PTPRD: variants seen among roughly 807,000 people sequenced by gnomAD.
PTPRD encodes receptor-type tyrosine-protein phosphatase delta.
A neutral mutation model predicts 214.5 loss-of-function variants in PTPRD; 34 were observed. The observed-to-expected ratio is 0.16, with a 90% CI of 0.12 to 0.21. PTPRD has a LOEUF of 0.21. PTPRD is among the 10% of genes least tolerant of loss of function. The pLI is 1.00. For synonymous variants in PTPRD, 1,128 were observed against 845.7 expected (o/e 1.33, Z -5.79); for missense variants, 2,545 against 2,398.7 (o/e 1.06, Z -1.27).
At chr9:8,408,112 C>A (rs2093182581) in intron 35 of PTPRD, among the ~76,000 whole-genome samples, 1 of 152,142 alleles carries the variant, frequency 6.6e-6, no homozygotes, top group Admixed American at 6.6e-5. Context: ...CTGCTGTCCT[C>A]TTAAGGAAGA....
intron 35 of PTPRD, among the ~76,000 whole-genome samples, chr9:8,422,698 G>A (rs2094443173): frequency 6.6e-6 from 1 of 152,162 alleles, no homozygotes; most frequent in African/African-American, 2.4e-5. Context: ...TTCTTGAGCT[G>A]TGACAACAAG....
chr9:9,136,907 C>A (rs1310507076), intron 10 of PTPRD, among the ~76,000 whole-genome samples: 4 of 152,090 alleles, frequency 2.6e-5, no homozygotes, highest in African/African-American at 9.7e-5. Flanking sequence ...TTGCCTTCAA[C>A]TGGTAGGGGA....
intron 2 of PTPRD, among the ~76,000 whole-genome samples, chr9:10,382,672 C>T (rs2097847052): frequency 6.6e-6 from 1 of 151,750 alleles, no homozygotes; most frequent in Non-Finnish European, 1.5e-5. Flanking sequence ...GATGAGGTTT[C>T]ATATTAAACA....
chr9:9,440,405 A>G (rs931518702), intron 8 of PTPRD, among the ~76,000 whole-genome samples: 16 of 152,220 alleles, frequency 1.1e-4, no homozygotes, highest in African/African-American at 3.9e-4. Context: ...GCAAAAGTGA[A>G]AAGGTAGAAA....
intron 3 of PTPRD, among the ~76,000 whole-genome samples, chr9:10,261,528 TTG>T (rs781521357): frequency 5.9e-5 from 9 of 151,802 alleles, no homozygotes; most frequent in African/African-American, 1.9e-4. Flanking sequence ...TCAAAGAATG[TTG>T]TGTGTGTGTA....
intron 8 of PTPRD, among the ~76,000 whole-genome samples, chr9:9,537,747 C>T (rs2076806835): frequency 6.6e-6 from 1 of 151,866 alleles, no homozygotes; most frequent in Non-Finnish European, 1.5e-5. Context: ...AATTCTGCAG[C>T]TTAAAAGTAA....
chr9:10,270,867 C>A (rs2094378648), intron 3 of PTPRD, among the ~76,000 whole-genome samples: 1 of 151,274 alleles, frequency 6.6e-6, no homozygotes, highest in Admixed American at 6.6e-5. Context: ...TTTTATGTTT[C>A]TTTTGTAGTC....
intron 14 of PTPRD, among the ~76,000 whole-genome samples, chr9:8,557,455 T>TATATATATATATATATACATACACATAC: frequency 7.4e-6 from 1 of 135,640 alleles, no homozygotes; most frequent in African/African-American, 3.5e-5. Context: ...TATATATATA[T>TATATATATATATATATACATACACATAC]ATTTGGGCCG....
intron 9 of PTPRD, among the ~76,000 whole-genome samples, chr9:9,266,874 A>G (rs2132488687): frequency 6.6e-6 from 1 of 151,366 alleles, no homozygotes; most frequent in African/African-American, 2.4e-5. Flanking sequence ...TTAATAAGCA[A>G]CCAGTTTTGC....
chr9:9,368,990 C>G (rs140686534), intron 9 of PTPRD, among the ~76,000 whole-genome samples: 1 of 151,930 alleles, frequency 6.6e-6, no homozygotes, highest in Non-Finnish European at 1.5e-5. Context: ...CAATTCCCAT[C>G]TATGAGTGAG....
At chr9:9,351,443 C>T (rs1346782702) in intron 9 of PTPRD, among the ~76,000 whole-genome samples, 2 of 151,948 alleles carry the variant, frequency 1.3e-5, no homozygotes, top group Admixed American at 6.6e-5. Context: ...ACAAATAATT[C>T]TATGCATTAG....
chr9:8,929,825 A>ATATGTGTGTGTATATATGTGTGTG (rs1555536985), intron 11 of PTPRD, among the ~76,000 whole-genome samples: 1 of 104,222 alleles, frequency 9.6e-6, no homozygotes, highest in South Asian at 3.6e-4. Context: ...ATATGTGTAT[A>ATATGTGTGTGTATATATGTGTGTG]TATATGTGTA....
chr9:9,890,300 A>G (rs1329382906), intron 5 of PTPRD, among the ~76,000 whole-genome samples: 1 of 151,810 alleles, frequency 6.6e-6, no homozygotes, highest in African/African-American at 2.4e-5. Flanking sequence ...TGGCCTAAGC[A>G]ATCATCCCAC....
At chr9:9,368,691 C>A (rs1210505484) in intron 9 of PTPRD, among the ~76,000 whole-genome samples, 1 of 151,730 alleles carries the variant, frequency 6.6e-6, no homozygotes, top group Non-Finnish European at 1.5e-5. Context: ...TAAATATGAA[C>A]CTAGGGTAGG....
chr9:10,038,625 C>A (rs975165227), intron 3 of PTPRD, among the ~76,000 whole-genome samples: 4 of 152,110 alleles, frequency 2.6e-5, no homozygotes, highest in African/African-American at 4.8e-5. Flanking sequence ...TGAATTCACA[C>A]AGCTAATAAT....
At chr9:10,016,857 G>A (rs549384343) in intron 4 of PTPRD, among the ~76,000 whole-genome samples, 3 of 152,170 alleles carry the variant, frequency 2.0e-5, no homozygotes, top group Middle Eastern at 3.4e-3. Context: ...TAGAGACAGG[G>A]TCTCGCTATG....
At chr9:9,868,295 T>C (rs1307765431) in intron 5 of PTPRD, among the ~76,000 whole-genome samples, 1 of 152,144 alleles carries the variant, frequency 6.6e-6, no homozygotes, top group Admixed American at 6.6e-5. Flanking sequence ...TTATAATTAA[T>C]ATAATAATAA....
At chr9:9,628,849 A>T (rs1423587416) in intron 7 of PTPRD, among the ~76,000 whole-genome samples, 2 of 151,814 alleles carry the variant, frequency 1.3e-5, no homozygotes, top group African/African-American at 2.4e-5. Flanking sequence ...ATCATAATAC[A>T]TATTTATATA....
chr9:9,258,897 A>AT (rs1268205776), intron 9 of PTPRD, among the ~76,000 whole-genome samples: 3 of 151,810 alleles, frequency 2.0e-5, no homozygotes, highest in Non-Finnish European at 4.4e-5. Context: ...CGGATATCTA[A>AT]TTTTTTTAAA....
Sources: allele counts gnomAD v4.1 joint callset (sites outside exome capture counted in the v4.1 genomes callset), GRCh38; gene constraint gnomAD v4.1.1; transcripts MANE v1.5; gene names NCBI Gene and HGNC (gene_info 2026-07-23, HGNC 2026-07-21).